AGPAT5: variants seen among roughly 807,000 people sequenced by gnomAD.
AGPAT5 encodes the protein 1-acylglycerol-3-phosphate O-acyltransferase 5.
Under a neutral mutation model 45.6 loss-of-function variants are expected in AGPAT5, and 46 were observed. The observed-to-expected ratio is 1.01, with a 90% confidence interval of 0.80 to 1.29. The LOEUF is 1.29. AGPAT5 is among the 50% of genes most tolerant of loss of function. The pLI, the probability that AGPAT5 is intolerant of heterozygous loss-of-function variation, is 0.00. For missense variants in AGPAT5, 673 were observed against 450.7 expected (o/e 1.49, Z -4.47); for synonymous variants, 272 against 167.0 (o/e 1.63, Z -4.85).
At chr8:6,742,612 G>A (rs1474001648) in intron 5 of AGPAT5, among the ~76,000 whole-genome samples, 1 of 152,176 alleles carries the variant, frequency 6.6e-6, no homozygotes, top group South Asian at 2.1e-4. Context: ...CAGTGTGCTG[G>A]CTCCTACCAA....
intron 4 of AGPAT5, 69 bp from the exon 5 acceptor site, chr8:6,741,592 T>C: frequency 8.8e-7 from 1 of 1,131,698 alleles, no homozygotes; most frequent in Non-Finnish European, 1.3e-6. Flanking sequence ...TAGGTTTAGC[T>C]TTTTTAGGTT....
chr8:6,724,996 C>G (rs906671300), intron 2 of AGPAT5, 57 bp downstream of exon 2: 31 of 610,690 alleles, frequency 5.1e-5, no homozygotes, highest in Non-Finnish European at 7.3e-5. Flanking sequence ...CATGGGCATT[C>G]AAAATACCGT....
intron 1 of AGPAT5, among the ~76,000 whole-genome samples, chr8:6,720,484 A>T (rs1362790203): frequency 1.3e-5 from 2 of 152,206 alleles, no homozygotes; most frequent in African/African-American, 4.8e-5. Flanking sequence ...AGGCTCCTCC[A>T]TGTTTGTAAT....
chr8:6,758,231 C>G lies in AGPAT5; in HGVS notation c.*843C>G, dbSNP rs1428243750. On this transcript the variant is annotated 3_prime_UTR_variant, in exon 8 of 8. Coordinates refer to ENST00000285518, the MANE Select transcript of AGPAT5 (RefSeq NM_018361.5). The stretch of plus-strand genomic sequence containing the variant: ...TTTGTTTTTTTAATATCAAAAGAGT[C>G]GGTGTGAACCTTGGTTGGACCCCAA... 2 of 152,554 alleles carry G rather than the reference C, an allele frequency of 1.3e-5. No homozygotes were observed. The allele number at this position is 152,554 out of a possible 1,614,324, so 9.5% of individuals were successfully genotyped here.
chr8:6,750,750 G>A (rs1282360657), intron 6 of AGPAT5, among the ~76,000 whole-genome samples: 1 of 149,270 alleles, frequency 6.7e-6, no homozygotes, highest in African/African-American at 2.5e-5. Flanking sequence ...CCATTAGATT[G>A]GCAAACATCC....
intron 4 of AGPAT5, 152 bp downstream of exon 4, chr8:6,732,802 A>G (rs2116903345): frequency 1.4e-6 from 1 of 697,342 alleles, no homozygotes; most frequent in East Asian, 3.1e-5. Flanking sequence ...CCCTCTATGT[A>G]CAGGTAGGCA....
In AGPAT5 at chr8:6,735,848, CCTTT is replaced by C. The variant is rs1801034144; in HGVS notation, c.495+3199_495+3202del. ...GTGTTCCTGTTTATTCTTTATATAG[CCTTT>C]TTTTTTTTTTTTTTTTTTTTGAGTT... On this transcript the variant is annotated intron_variant, in intron 4 of 7. Coordinates refer to ENST00000285518, the MANE Select transcript of AGPAT5 (RefSeq NM_018361.5). Among the ~76,000 whole-genome samples the C allele has an allele frequency of 1.1e-4, 6 of 53,614 alleles. 1 individual carries two copies. Among genetic ancestry groups the C allele is most frequent in the South Asian group, 8.1e-4 (1 of 1,236 alleles). The allele number at this position is 53,614 out of a possible 152,430, so 35.2% of individuals were successfully genotyped here.
At chr8:6,727,344 T>C (rs889527209) in intron 2 of AGPAT5, among the ~76,000 whole-genome samples, 33 of 152,150 alleles carry the variant, frequency 2.2e-4, no homozygotes, top group African/African-American at 7.7e-4. Flanking sequence ...GGCTGTTATT[T>C]CTTCCCCTTA....
rs1289121861 is a variant in AGPAT5, at chr8:6,760,758, A to G, written c.*3370A>G. On this transcript the variant is annotated 3_prime_UTR_variant, in exon 8 of 8. Transcript: ENST00000285518. ...ACACTTTTTGATTAAAGAACTTGAA[A>G]TTACGTTATCACTTAGTATAATTGA... 6.6e-6 allele frequency among the ~76,000 whole-genome samples: 1 copy of G among 152,180 alleles called. No homozygotes were observed. Among genetic ancestry groups the G allele is most frequent in the Non-Finnish European group, 1.5e-5 (1 of 68,032 alleles).
chr8:6,714,419 G>C (rs1293138414), intron 1 of AGPAT5, among the ~76,000 whole-genome samples: 1 of 152,118 alleles, frequency 6.6e-6, no homozygotes, highest in Non-Finnish European at 1.5e-5. Flanking sequence ...TAACTTACTA[G>C]ACTTATAGGA....
intron 4 of AGPAT5, 105 bp downstream of exon 4, chr8:6,732,755 T>C: frequency 9.9e-7 from 1 of 1,009,376 alleles, no homozygotes; most frequent in Non-Finnish European, 1.4e-6. Context: ...TTCCCATGTG[T>C]AATTACTAAT....
At chr8:6,717,654 G>A (rs1800373909) in intron 1 of AGPAT5, among the ~76,000 whole-genome samples, 1 of 152,236 alleles carries the variant, frequency 6.6e-6, no homozygotes, top group African/African-American at 2.4e-5. Context: ...GGTGGGAGCT[G>A]TTGCATATGT....
chr8:6,734,724 G>C (rs367873309), intron 4 of AGPAT5, among the ~76,000 whole-genome samples: 2 of 152,030 alleles, frequency 1.3e-5, no homozygotes, highest in African/African-American at 4.8e-5. Flanking sequence ...AAGTTGTCTT[G>C]ATACCTGGAA....
At chr8:6,743,137 G>A (rs151276253) in intron 5 of AGPAT5, among the ~76,000 whole-genome samples, 7 of 152,118 alleles carry the variant, frequency 4.6e-5, no homozygotes, top group Non-Finnish European at 7.4e-5. Context: ...ACTCTCTGGC[G>A]ATTACTTCCT....
chr8:6,749,821 A>G (rs1801600454), intron 6 of AGPAT5, among the ~76,000 whole-genome samples: 1 of 152,202 alleles, frequency 6.6e-6, no homozygotes, highest in South Asian at 2.1e-4. Context: ...AAATGCTGCT[A>G]CTTTTATCAT....
chr8:6,722,875 A>G (rs549176915), intron 1 of AGPAT5, among the ~76,000 whole-genome samples: 5 of 152,296 alleles, frequency 3.3e-5, no homozygotes, highest in East Asian at 3.9e-4. Flanking sequence ...TAAAAAGTGG[A>G]TGAACCTGAA....
intron 1 of AGPAT5, among the ~76,000 whole-genome samples, chr8:6,724,197 G>C (rs553369608): frequency 3.9e-5 from 6 of 152,132 alleles, no homozygotes; most frequent in Admixed American, 2.0e-4. Flanking sequence ...TTAATCTTTA[G>C]CATGGAATTC....
At chr8:6,753,215 A>C (rs1035686206) in intron 6 of AGPAT5, among the ~76,000 whole-genome samples, 3 of 152,232 alleles carry the variant, frequency 2.0e-5, no homozygotes, top group Non-Finnish European at 2.9e-5. Context: ...CTGACGTCTT[A>C]GTAGAGGCCC....
In AGPAT5 at chr8:6,708,736, G is replaced by A. The variant is rs1484172025; in HGVS notation, c.68G>A (p.Gly23Asp). The change falls in exon 1 of 8, where the codon GGC (glycine) becomes GAC (aspartate). Residue 23 changes from glycine to aspartate, a missense_variant. Physicochemically the swap from Gly to Asp is moderately conservative, Grantham distance 94. Coordinates refer to ENST00000285518, the MANE Select transcript of AGPAT5 (RefSeq NM_018361.5). ...CTGCTGCCCAGCGTCGTGCTCCTGG[G>A]CACGGCGCCCACCTACGTGTTGGCC... ...RYLLPSVVLL[G>D]TAPTYVLAWG... is the part of the protein sequence containing the mutation. The A allele has an allele frequency of 6.2e-7, 1 of 1,607,474 alleles. No individual in the cohort carries two copies. The highest frequency in any genetic ancestry group is 1.7e-5 in the Admixed American group (1 of 59,946).
Sources: gnomAD v4.1 joint callset for allele counts (sites outside exome capture counted in the v4.1 genomes callset) on GRCh38, gnomAD v4.1.1 for gene constraint, MANE v1.5 for transcripts, NCBI Gene and HGNC (gene_info 2026-07-23, HGNC 2026-07-21) for gene names.